The following WWP1 variants were observed in gnomAD, a reference collection of about 807,000 sequenced individuals.
WWP1 encodes WW domain containing E3 ubiquitin protein ligase 1, also known as NEDD4-like E3 ubiquitin-protein ligase WWP1.
In WWP1, 49 loss-of-function variants were observed where a neutral mutation model predicts 130.6. The observed-to-expected ratio is 0.38, with a 90% CI of 0.30 to 0.48. WWP1 has a LOEUF of 0.48. Ranked by LOEUF, WWP1 falls within the 20% of genes least tolerant of loss-of-function variation. The pLI is 0.99. For synonymous variants in WWP1, 332 were observed against 367.8 expected, an observed-to-expected ratio of 0.90 and a Z score of 1.11; for missense variants, 809 against 1,100.6, an observed-to-expected ratio of 0.74 and a Z score of 3.75.
At chr8:86,394,588 A>G (rs1157928868) in intron 5 of WWP1, among the ~76,000 whole-genome samples, 1 of 152,186 alleles carries the variant, frequency 6.6e-6, no homozygotes, top group Admixed American at 6.5e-5. Flanking sequence ...CCTTTAGGCT[A>G]GTCAAGGTTT....
intron 16 of WWP1, among the ~76,000 whole-genome samples, chr8:86,437,707 C>T (rs1175213954): frequency 2.0e-5 from 3 of 152,172 alleles, no homozygotes; most frequent in Non-Finnish European, 4.4e-5. Flanking sequence ...ATTACTAATA[C>T]CTACCATTGA....
At chr8:86,460,074 C>CT (rs1482027344) in intron 22 of WWP1, among the ~76,000 whole-genome samples, 1 of 152,202 alleles carries the variant, frequency 6.6e-6, no homozygotes, top group African/African-American at 2.4e-5. Flanking sequence ...TCCTTGCTTT[C>CT]TGTTATACTC....
chr8:86,429,807 A>C (rs981510003), intron 11 of WWP1, among the ~76,000 whole-genome samples: 2 of 152,108 alleles, frequency 1.3e-5, no homozygotes, highest in Non-Finnish European at 2.9e-5. Flanking sequence ...GGACTGGGAG[A>C]GTAAAGTATT....
At chr8:86,433,530 A>G (rs1051780342) in intron 14 of WWP1, among the ~76,000 whole-genome samples, 5 of 151,398 alleles carry the variant, frequency 3.3e-5, no homozygotes, top group Admixed American at 1.3e-4. Context: ...CCTGGGCAAC[A>G]TAGCAAGAGC....
chr8:86,443,941 G>A (rs1810727539), intron 18 of WWP1, among the ~76,000 whole-genome samples: 1 of 152,194 alleles, frequency 6.6e-6, no homozygotes, highest in African/African-American at 2.4e-5. Context: ...GGACCTTTAG[G>A]AAATTCACAT....
chr8:86,389,841 C>T (rs1825529913), intron 5 of WWP1, among the ~76,000 whole-genome samples: 2 of 151,760 alleles, frequency 1.3e-5, no homozygotes, highest in South Asian at 4.1e-4. Context: ...GGCTGCCCCC[C>T]ACCTCCTTCC....
chr8:86,379,500 C>A (rs920168147), intron 3 of WWP1, among the ~76,000 whole-genome samples: 2 of 152,034 alleles, frequency 1.3e-5, no homozygotes, highest in Non-Finnish European at 2.9e-5. Context: ...CTTTTCCCTT[C>A]CTCATCTCTG....
intron 1 of WWP1, among the ~76,000 whole-genome samples, chr8:86,364,543 T>TA (rs1013059885): frequency 3.3e-5 from 5 of 152,054 alleles, no homozygotes; most frequent in African/African-American, 9.7e-5. Flanking sequence ...TCTTTAAAAA[T>TA]AAAAAATATT....
chr8:86,433,395 A>T (rs1810103324), intron 14 of WWP1, among the ~76,000 whole-genome samples: 2 of 151,866 alleles, frequency 1.3e-5, no homozygotes, highest in Admixed American at 6.6e-5. Context: ...CTCCACTTGT[A>T]ACTCCTTCTT....
At chr8:86,366,836 T>G (rs1824002544) in intron 1 of WWP1, among the ~76,000 whole-genome samples, 2 of 152,332 alleles carry the variant, frequency 1.3e-5, no homozygotes, top group South Asian at 4.1e-4. Context: ...TCTTTCATTT[T>G]ATAAATTCAT....
intron 20 of WWP1, among the ~76,000 whole-genome samples, chr8:86,452,235 G>A (rs1811211990): frequency 6.6e-6 from 1 of 152,160 alleles, no homozygotes; most frequent in African/African-American, 2.4e-5. Context: ...GATATAAACA[G>A]GAAATAATTA....
Position 86,342,747 on chromosome 8 carries a change from C to T in WWP1, c.-298C>T, listed in dbSNP as rs1822268082. 5.5e-6 allele frequency: 2 copies of T among 362,494 alleles called. No individual in the cohort carries two copies. The highest frequency in any genetic ancestry group is 1.3e-4 in the South Asian group (1 of 7,568). The allele number at this position is 362,494 out of a possible 1,614,324, so 22.5% of individuals were successfully genotyped here. ...GGGAGGGTCGGGTGTCGGCGAGCTCCGCGTGCGGGTTCCGAGTGGCTGCTG... is the reference window on the plus strand; with the variant it reads ...GGGAGGGTCGGGTGTCGGCGAGCTCTGCGTGCGGGTTCCGAGTGGCTGCTG... On this transcript the variant is annotated 5_prime_UTR_variant, in exon 1 of 25. Coordinates refer to ENST00000517970, the MANE Select transcript of WWP1 (RefSeq NM_007013.4).
chr8:86,380,594 ATTG>A, intron 3 of WWP1, 129 bp from the exon 4 acceptor site: 1 of 1,025,372 alleles, frequency 9.8e-7, no homozygotes, highest in Non-Finnish European at 1.3e-6. Flanking sequence ...GCCCTTTTGT[ATTG>A]TTTCTTCATT....
intron 5 of WWP1, among the ~76,000 whole-genome samples, chr8:86,396,173 A>C (rs192165032): frequency 6.6e-6 from 1 of 151,662 alleles, no homozygotes; most frequent in East Asian, 1.9e-4. Context: ...ATCTCAGCTC[A>C]TTGCAACTTC....
intron 21 of WWP1, among the ~76,000 whole-genome samples, chr8:86,453,107 A>G (rs753813691): frequency 5.3e-5 from 8 of 152,134 alleles, no homozygotes; most frequent in Non-Finnish European, 1.2e-4. Context: ...TTAAGTGTTC[A>G]ATAATGTTAA....
At position 86,435,528 on chromosome 8, in the gene WWP1, G is replaced by A. The variant is rs1210382154; in HGVS notation, c.1677+1G>A. ...TGCTCACTTCCGTTATTTGTGCCAG[G>A]TACTATAGTGGTAAATAAATCTTAT... is the stretch of plus-strand genomic sequence containing the variant. On this transcript the variant is annotated splice_donor_variant, in intron 15 of 24. Transcript: ENST00000517970. LOFTEE classifies it high-confidence loss of function. 1 of 1,613,928 alleles carries A rather than the reference G, an allele frequency of 6.2e-7. No individual in the cohort carries two copies. The highest frequency in any genetic ancestry group is 8.5e-7 in the Non-Finnish European group (1 of 1,179,992).
intron 5 of WWP1, among the ~76,000 whole-genome samples, chr8:86,392,443 G>A (rs796843246): frequency 2.0e-5 from 3 of 152,218 alleles, no homozygotes; most frequent in African/African-American, 7.2e-5. Context: ...TTAGACTGAG[G>A]TTTTTTATTT....
chr8:86,426,157 G>A (rs891768104), intron 10 of WWP1, among the ~76,000 whole-genome samples: 2 of 152,128 alleles, frequency 1.3e-5, no homozygotes, highest in African/African-American at 4.8e-5. Flanking sequence ...ACATGGTGCC[G>A]ATATTGCAAT....
chr8:86,365,510 C>G (rs753931665), intron 1 of WWP1, among the ~76,000 whole-genome samples: 1 of 152,156 alleles, frequency 6.6e-6, no homozygotes, highest in Non-Finnish European at 1.5e-5. Context: ...GTAGATATTG[C>G]AAGTACTCTT....
Sources: gnomAD v4.1 joint callset for allele counts (sites outside exome capture counted in the v4.1 genomes callset) on GRCh38, gnomAD v4.1.1 for gene constraint, MANE v1.5 for transcripts, NCBI Gene and HGNC (gene_info 2026-07-23, HGNC 2026-07-21) for gene names.